Variants in XPNPEP3 observed in about 807,000 individuals in gnomAD.
XPNPEP3 encodes xaa-Pro aminopeptidase 3.
In XPNPEP3, 41 loss-of-function variants were observed where a neutral mutation model predicts 60.0. That is an observed-to-expected ratio of 0.68 (90% confidence interval 0.53 to 0.89). The LOEUF is 0.89. XPNPEP3 is among the 40% of genes least tolerant of loss of function. XPNPEP3 has a pLI of 0.00. For synonymous variants in XPNPEP3, 212 were observed against 223.2 expected (o/e 0.95, Z 0.45); for missense variants, 598 against 638.9 (o/e 0.94, Z 0.69).
intron 2 of XPNPEP3, among the ~76,000 whole-genome samples, chr22:40,872,829 G>A (rs2058011657): frequency 1.3e-5 from 2 of 151,982 alleles, no homozygotes; most frequent in Admixed American, 1.3e-4. Context: ...TATTGCCAAA[G>A]GAGTAATGTT....
chr22:40,886,452 C>G lies in XPNPEP3; in HGVS notation c.729C>G (p.Leu243=), dbSNP rs2058069012. The G allele has an allele frequency of 1.2e-6, 2 of 1,614,010 alleles. No individual in the cohort carries two copies. ...GTGTTCAGCAGCTGATACAGCGCCT[C>G]CGGCTGATCAAGTCTCCTGCAGAAA... ...VRGVQQLIQR[L]RLIKSPAEIE... Residue 243 remains leucine, a synonymous_variant, in exon 4 of 10, where the codon CTC becomes CTG. Coordinates refer to ENST00000357137, the MANE Select transcript of XPNPEP3 (RefSeq NM_022098.4).
At chr22:40,870,328 T>C (rs1490275735) in intron 2 of XPNPEP3, 4 of 258,838 alleles carry the variant, frequency 1.5e-5, no homozygotes, top group Non-Finnish European at 3.1e-5. Context: ...CTAGTAATTA[T>C]ATTGTCAAGA....
chr22:40,903,495 T>C (rs2058142662), intron 4 of XPNPEP3, among the ~76,000 whole-genome samples: 1 of 146,986 alleles, frequency 6.8e-6, no homozygotes, highest in African/African-American at 2.5e-5. Context: ...AGTCATTGAT[T>C]TTTTTTTTTT....
intron 4 of XPNPEP3, among the ~76,000 whole-genome samples, chr22:40,902,122 G>T (rs1601511618): frequency 6.7e-6 from 1 of 148,362 alleles, no homozygotes; most frequent in East Asian, 2.0e-4. Context: ...GCCCAGGCTG[G>T]AGTGTGGTGG....
chr22:40,912,645 G>A (rs1205750997), intron 6 of XPNPEP3, among the ~76,000 whole-genome samples: 1 of 152,098 alleles, frequency 6.6e-6, no homozygotes, highest in Non-Finnish European at 1.5e-5. Context: ...GAGGCAGGTG[G>A]ATCACTTGAA....
chr22:40,918,997 C>A (rs1391690751), intron 7 of XPNPEP3, among the ~76,000 whole-genome samples: 1 of 151,746 alleles, frequency 6.6e-6, no homozygotes, highest in African/African-American at 2.4e-5. Context: ...CAGATGCCAC[C>A]CCGCCTGGCT....
intron 2 of XPNPEP3, among the ~76,000 whole-genome samples, chr22:40,869,815 A>G (rs889430976): frequency 2.6e-5 from 4 of 152,250 alleles, no homozygotes; most frequent in African/African-American, 9.6e-5. Context: ...TGAATATCTC[A>G]GAGAGGAAGG....
chr22:40,911,579 A>G (rs541186411), intron 6 of XPNPEP3, among the ~76,000 whole-genome samples: 11 of 145,090 alleles, frequency 7.6e-5, no homozygotes, highest in Admixed American at 3.6e-4. Context: ...CACTCTTGTC[A>G]CCCAAACTGG....
intron 4 of XPNPEP3, among the ~76,000 whole-genome samples, chr22:40,903,874 T>TCACACACACA (rs10560459): frequency 1.9e-3 from 280 of 146,020 alleles, no homozygotes; most frequent in African/African-American, 6.7e-3. Context: ...TCTCTCTCTG[T>TCACACACACA]CACACACACA....
chr22:40,897,029 C>CTTTTT (rs762152639), intron 4 of XPNPEP3, among the ~76,000 whole-genome samples: 19 of 107,700 alleles, frequency 1.8e-4, no homozygotes, highest in East Asian at 3.2e-4. Context: ...TTTCCTTCAT[C>CTTTTT]TTTTTTTTTT....
chr22:40,885,909 G>A (rs1319082643), intron 3 of XPNPEP3, among the ~76,000 whole-genome samples: 1 of 152,162 alleles, frequency 6.6e-6, no homozygotes, highest in African/African-American at 2.4e-5. Context: ...TTGAACCTGG[G>A]AGGCGGAGGT....
chr22:40,889,082 A>T (rs892217400), intron 4 of XPNPEP3, among the ~76,000 whole-genome samples: 33 of 151,304 alleles, frequency 2.2e-4, no homozygotes, highest in Non-Finnish European at 4.9e-4. Flanking sequence ...CTCAGGTTGG[A>T]GTGCATGGTG....
intron 1 of XPNPEP3, among the ~76,000 whole-genome samples, chr22:40,867,795 G>A (rs558642670): frequency 6.6e-6 from 1 of 151,986 alleles, no homozygotes; most frequent in East Asian, 1.9e-4. Context: ...TGTTGGAGAT[G>A]GATAAGTGCA....
At chr22:40,868,098 T>C (rs1340197081) in intron 1 of XPNPEP3, among the ~76,000 whole-genome samples, 1 of 152,232 alleles carries the variant, frequency 6.6e-6, no homozygotes, top group Non-Finnish European at 1.5e-5. Context: ...GTGTCTTTCT[T>C]TGAGCATGTT....
At chr22:40,871,600 C>G (rs1275693844) in intron 2 of XPNPEP3, among the ~76,000 whole-genome samples, 1 of 152,052 alleles carries the variant, frequency 6.6e-6, no homozygotes, top group East Asian at 1.9e-4. Context: ...AATCCCACAA[C>G]TCAGAGAAAG....
chr22:40,907,090 A>T, intron 4 of XPNPEP3: 1 of 456,326 alleles, frequency 2.2e-6, no homozygotes, highest in Non-Finnish European at 4.4e-6. Flanking sequence ...TTTGGAGGGG[A>T]CACATTCAAG....
At chr22:40,866,169 C>T (rs1183802534) in intron 1 of XPNPEP3, among the ~76,000 whole-genome samples, 3 of 151,958 alleles carry the variant, frequency 2.0e-5, no homozygotes, top group Non-Finnish European at 4.4e-5. Flanking sequence ...TTTCTTATGT[C>T]CAATTAGAAG....
intron 1 of XPNPEP3, among the ~76,000 whole-genome samples, chr22:40,863,430 C>T (rs1365901174): frequency 6.6e-6 from 1 of 152,166 alleles, no homozygotes; most frequent in Non-Finnish European, 1.5e-5. Flanking sequence ...TATTTTCCAT[C>T]ACATTTATAA....
At chr22:40,867,002 A>G (rs2057981677) in intron 1 of XPNPEP3, among the ~76,000 whole-genome samples, 2 of 152,344 alleles carry the variant, frequency 1.3e-5, no homozygotes, top group African/African-American at 2.4e-5. Flanking sequence ...ACGAGCGTGC[A>G]TGTGGAGAAG....
Sources: allele counts gnomAD v4.1 joint callset (sites outside exome capture counted in the v4.1 genomes callset), GRCh38; gene constraint gnomAD v4.1.1; transcripts MANE v1.5; gene names NCBI Gene and HGNC (gene_info 2026-07-23, HGNC 2026-07-21).